The following MED13L variants were observed in gnomAD, a reference collection of about 807,000 sequenced individuals.
MED13L encodes the protein mediator of RNA polymerase II transcription subunit 13-like.
MED13L carries 7 observed loss-of-function variants against 220.9 expected under a neutral mutation model. That is an observed-to-expected ratio of 0.03 (90% CI 0.02 to 0.06). MED13L has a LOEUF of 0.06. MED13L is among the 10% of genes least tolerant of loss of function. The probability of loss-of-function intolerance (pLI) is 1.00; values close to 1 mark genes in which losing one functional copy is unlikely to be tolerated. For missense variants in MED13L, 1,965 were observed against 2,760.5 expected (o/e 0.71, Z 6.46); for synonymous variants, 1,011 against 1,015.2 (o/e 1.00, Z 0.08).
At chr12:116,095,475 A>G (rs1366816837) in intron 4 of MED13L, among the ~76,000 whole-genome samples, 1 of 152,238 alleles carries the variant, frequency 6.6e-6, no homozygotes, top group East Asian at 1.9e-4. Flanking sequence ...CCATTTCATT[A>G]AAGATTTAAG....
intron 5 of MED13L, among the ~76,000 whole-genome samples, chr12:116,020,875 CT>C (rs199600458): frequency 2.0e-5 from 3 of 151,800 alleles, no homozygotes; most frequent in Non-Finnish European, 2.9e-5. Flanking sequence ...AACGGAATGT[CT>C]TTTTTTTAAT....
chr12:116,239,408 T>C (rs1870405989), intron 1 of MED13L, among the ~76,000 whole-genome samples: 1 of 152,192 alleles, frequency 6.6e-6, no homozygotes, highest in African/African-American at 2.4e-5. Flanking sequence ...ACTAGCATCC[T>C]ACTGTATATG....
intron 2 of MED13L, among the ~76,000 whole-genome samples, chr12:116,118,112 A>ATT (rs1874689055): frequency 6.6e-6 from 1 of 152,090 alleles, no homozygotes. Context: ...CGCAGTCAAA[A>ATT]TTTTTATTTT....
chr12:116,213,858 A>G lies in MED13L; in HGVS notation c.310+23610T>C, dbSNP rs1230860234. ...ATAATATCCTTATAGAAAATTATTC[A>G]GCTACCAGTTAGAAAAAGCTGAGAA... On this transcript the variant is annotated intron_variant, in intron 2 of 30. Coordinates refer to ENST00000281928, the MANE Select transcript of MED13L (RefSeq NM_015335.5). Among the ~76,000 whole-genome samples the G allele has an allele frequency of 2.6e-5, 4 of 152,220 alleles. No homozygotes were observed. In the East Asian group the frequency reaches 7.7e-4, roughly 29 times the overall value.
At chr12:116,197,890 T>C (rs1228473968) in intron 2 of MED13L, among the ~76,000 whole-genome samples, 1 of 152,218 alleles carries the variant, frequency 6.6e-6, no homozygotes, top group African/African-American at 2.4e-5. Context: ...TAAATTGGCA[T>C]TTATCACCCA....
intron 2 of MED13L, chr12:116,230,656 G>T (rs1869467022): frequency 5.2e-6 from 1 of 194,172 alleles, no homozygotes; most frequent in Admixed American, 6.5e-5. Flanking sequence ...GAGTGAAAAT[G>T]AGTCAAAGAT....
intron 4 of MED13L, among the ~76,000 whole-genome samples, chr12:116,023,135 T>C (rs1304641892): frequency 6.6e-6 from 1 of 151,892 alleles, no homozygotes; most frequent in Non-Finnish European, 1.5e-5. Context: ...CCACCAAAAA[T>C]AAATAAATGA....
chr12:116,118,907 A>G (rs1874763193), intron 2 of MED13L, among the ~76,000 whole-genome samples: 1 of 152,216 alleles, frequency 6.6e-6, no homozygotes, highest in East Asian at 1.9e-4. Flanking sequence ...AAAATGTCTT[A>G]AATTTTAAAT....
Position 115,984,017 on chromosome 12 carries a change from T to A in MED13L, c.4531+163A>T, listed in dbSNP as rs1592915562. Among the ~76,000 whole-genome samples the A allele has an allele frequency of 4.6e-5, 7 of 152,320 alleles. No homozygotes were observed. The South Asian group carries it at 1.2e-3, about 27-fold the overall frequency. On this transcript the variant is annotated intron_variant, in intron 20 of 30. Coordinates refer to ENST00000281928, the MANE Select transcript of MED13L (RefSeq NM_015335.5). ...AGTTTTTAAAAAATATATGTCCATA[T>A]AGAAATTAGCATTAAACTGCCCAGA... is the stretch of plus-strand genomic sequence containing the variant.
intron 2 of MED13L, among the ~76,000 whole-genome samples, chr12:116,218,029 T>C (rs1455530904): frequency 2.0e-5 from 3 of 152,196 alleles, no homozygotes; most frequent in Admixed American, 6.5e-5. Context: ...GCTCGTTGAA[T>C]TGAATTATAC....
intron 3 of MED13L, among the ~76,000 whole-genome samples, chr12:116,101,027 C>G (rs953566893): frequency 6.6e-6 from 1 of 152,184 alleles, no homozygotes; most frequent in Admixed American, 6.5e-5. Context: ...TGGTCAACTA[C>G]GAAGCATGTC....
chr12:116,020,878 T>C (rs1880020103), intron 5 of MED13L, among the ~76,000 whole-genome samples: 1 of 152,132 alleles, frequency 6.6e-6, no homozygotes. Flanking sequence ...GGAATGTCTT[T>C]TTTTTAATTT....
chr12:115,983,634 C>T, intron 20 of MED13L, 94 bp from the exon 21 acceptor site: 2 of 1,336,200 alleles, frequency 1.5e-6, no homozygotes, highest in East Asian at 2.4e-5. Flanking sequence ...AAACATTATG[C>T]TTTCAGGCTG....
At chr12:116,276,942 G>A in intron 1 of MED13L, 118 bp downstream of exon 1, 3 of 1,154,246 alleles carry the variant, frequency 2.6e-6, no homozygotes, top group Non-Finnish European at 2.5e-6. Flanking sequence ...CGAACGGCGG[G>A]GAGACGCGAG....
At chr12:116,148,624 TATATATAC>T (rs1877770106) in intron 2 of MED13L, 2 of 201,888 alleles carry the variant, frequency 9.9e-6, no homozygotes, top group African/African-American at 2.4e-5. Flanking sequence ...TATATATATA[TATATATAC>T]GGAGCTAGAT....
chr12:115,971,235 G>A (rs1876561786), intron 26 of MED13L, among the ~76,000 whole-genome samples: 1 of 152,140 alleles, frequency 6.6e-6, no homozygotes, highest in Admixed American at 6.6e-5. Context: ...GATCATCACA[G>A]CATCTGAAGG....
chr12:115,982,590 C>T lies in MED13L; in HGVS notation c.4969G>A (p.Glu1657Lys). The T allele has an allele frequency of 1.9e-6, 3 of 1,613,662 alleles. No homozygotes were observed. The highest frequency in any genetic ancestry group is 2.5e-6 in the Non-Finnish European group (3 of 1,179,650). The change falls in exon 22 of 31, where the codon GAG becomes AAG. Residue 1657 changes from glutamate to lysine, a missense_variant. By Grantham distance (56) the Glu-to-Lys change is moderately conservative (BLOSUM62 1). This residue lies in a region of MED13L where 510 missense variants were observed against 620.4 expected (regional missense o/e 0.82). Coordinates refer to ENST00000281928, the MANE Select transcript of MED13L (RefSeq NM_015335.5). ...QDGQESVTER[E>K]RIGIPTEPDS... ...GGCTCCGTGGGAATTCCTATTCTCTCCCTTTCTGTAACACTGGAGAGAGAG... is the reference window on the plus strand; with the variant it reads ...GGCTCCGTGGGAATTCCTATTCTCTTCCTTTCTGTAACACTGGAGAGAGAG...
intron 1 of MED13L, among the ~76,000 whole-genome samples, chr12:116,248,329 G>A (rs761124184): frequency 1.3e-5 from 2 of 152,128 alleles, no homozygotes; most frequent in Non-Finnish European, 2.9e-5. Flanking sequence ...AAAAACTGAT[G>A]ATTAAAGCAA....
intron 4 of MED13L, among the ~76,000 whole-genome samples, chr12:116,068,220 T>C (rs1870101892): frequency 2.0e-5 from 3 of 152,166 alleles, no homozygotes; most frequent in Admixed American, 6.5e-5. Flanking sequence ...CAGCCTCAGA[T>C]GCATCTGACA....
Sources: allele counts gnomAD v4.1 joint callset (sites outside exome capture counted in the v4.1 genomes callset), GRCh38; gene constraint gnomAD v4.1.1; regional missense constraint gnomAD v4.1.1; transcripts MANE v1.5; gene names NCBI Gene and HGNC (gene_info 2026-07-23, HGNC 2026-07-21).